The following PIP4K2B variants were observed in gnomAD, a reference collection of about 807,000 sequenced individuals.
PIP4K2B encodes the protein phosphatidylinositol-5-phosphate 4-kinase type 2 beta.
PIP4K2B carries 3 observed loss-of-function variants against 42.0 expected under a neutral mutation model. The ratio of observed to expected loss-of-function variants is 0.07; its 90% CI spans 0.03 to 0.18. PIP4K2B has a LOEUF of 0.18. PIP4K2B is among the 10% of genes least tolerant of loss of function. PIP4K2B has a pLI of 1.00. For missense variants in PIP4K2B, 332 were observed against 562.3 expected, an observed-to-expected ratio of 0.59 and a Z score of 4.14; for synonymous variants, 204 against 210.1, an observed-to-expected ratio of 0.97 and a Z score of 0.25.
At position 38,771,234 on chromosome 17, in the gene PIP4K2B, C is replaced by T. The variant is rs1386092689; in HGVS notation, c.846G>A (p.Leu282=). Reference sequence around the variant, plus strand: ...CCCGGTCCACGTCGTGGATGCCCACCAGCAGGCTGTAGTCCATGATCTTCA... The same window carrying T: ...CCCGGTCCACGTCGTGGATGCCCACTAGCAGGCTGTAGTCCATGATCTTCA... ...AQLKIMDYSL[L]VGIHDVDRAE... Residue 282 remains leucine (L), a synonymous_variant, in exon 8 of 10, where the codon CTG becomes CTA. Coordinates refer to ENST00000619039, the MANE Select transcript of PIP4K2B (RefSeq NM_003559.5). 6.2e-7 allele frequency: 1 copy of T among 1,614,036 alleles called. No individual in the cohort carries two copies.
intron 3 of PIP4K2B, among the ~76,000 whole-genome samples, chr17:38,781,216 C>T (rs1909693248): frequency 2.0e-5 from 3 of 152,104 alleles, no homozygotes; most frequent in Admixed American, 2.0e-4. Context: ...TTGCCTCAAC[C>T]TCCTGCTTGT....
rs999662723 is a variant in PIP4K2B at position 38,768,012 on chromosome 17, A to C, written c.*1679T>G. The C allele has an allele frequency of 5.9e-5, 9 of 152,086 alleles. No individual in the cohort carries two copies. Among genetic ancestry groups the C allele is most frequent in the African/African-American group, 2.2e-4 (9 of 41,406 alleles). The allele number at this position is 152,086 out of a possible 1,614,324, so 9.4% of individuals were successfully genotyped here. A position where few individuals can be genotyped will look rare whatever the true frequency, so the allele number is the denominator to read the frequency against. The stretch of plus-strand genomic sequence containing the variant: ...AGAATGCCGTCTCCATTCTTTCCTG[A>C]CCTATATGCTGTGAGTCAGGCACAG... On this transcript the variant is annotated 3_prime_UTR_variant, in exon 10 of 10. Transcript: ENST00000619039.
rs144963817 is a variant in PIP4K2B, at chr17:38,765,707, A to G, written c.*3984T>C. The G allele has an allele frequency of 1.1e-4, 16 of 152,346 alleles. No homozygotes were observed. The highest frequency in any genetic ancestry group is 3.9e-4 in the African/African-American group (16 of 41,548). 9.4% of individuals were successfully genotyped at this position (152,346 alleles called of 1,614,324 possible). A position where few individuals can be genotyped will look rare whatever the true frequency, so the allele number is the denominator to read the frequency against. ...TAACAGATGTACACAAAGCTTTTTG[A>G]GTTTTATTTTTTTCCTCAGGTTGGA... On this transcript the variant is annotated 3_prime_UTR_variant, in exon 10 of 10. Coordinates refer to ENST00000619039, the MANE Select transcript of PIP4K2B (RefSeq NM_003559.5).
chr17:38,772,941 T>G (rs1374538949), intron 7 of PIP4K2B, among the ~76,000 whole-genome samples: 1 of 152,098 alleles, frequency 6.6e-6, no homozygotes, highest in Non-Finnish European at 1.5e-5. Context: ...CATGCTGAGG[T>G]TGCTAAGATC....
In PIP4K2B at chr17:38,779,377, C is replaced by T. The variant is rs1488649478; in HGVS notation, c.654+6G>A. On this transcript the variant is annotated splice_donor_region_variant and intron_variant, in intron 5 of 9. Coordinates refer to ENST00000619039, the MANE Select transcript of PIP4K2B (RefSeq NM_003559.5). ...GCACAGCTCCGGCAAACACAGAGCCCTTTACCTTGAGGTCATACTTGCGAT... is the reference window on the plus strand; with the variant it reads ...GCACAGCTCCGGCAAACACAGAGCCTTTTACCTTGAGGTCATACTTGCGAT... 3 of 1,604,890 alleles carry T rather than the reference C, an allele frequency of 1.9e-6. No individual in the cohort carries two copies. Among genetic ancestry groups the T allele is most frequent in the Admixed American group, 1.7e-5 (1 of 59,912 alleles).
chr17:38,779,284 T>C (rs747375769), intron 5 of PIP4K2B, 99 bp downstream of exon 5: 194 of 1,223,402 alleles, frequency 1.6e-4, no homozygotes, highest in Non-Finnish European at 2.2e-4. Flanking sequence ...TGCCAACACA[T>C]AGGCTCCAGC....
chr17:38,780,752 TCACA>T, intron 3 of PIP4K2B, 148 bp from the exon 4 acceptor site: 2 of 674,648 alleles, frequency 3.0e-6, no homozygotes, highest in Non-Finnish European at 4.9e-6. Flanking sequence ...TCCCCTTTTC[TCACA>T]GGGTGTTCAC....
chr17:38,784,147 A>G, intron 3 of PIP4K2B, 96 bp downstream of exon 3: 1 of 753,148 alleles, frequency 1.3e-6, no homozygotes, highest in Admixed American at 2.3e-5. Flanking sequence ...GACACAGCAC[A>G]AAAACAGCCA....
chr17:38,774,437 C>G (rs1323691323), intron 7 of PIP4K2B, among the ~76,000 whole-genome samples: 1 of 152,136 alleles, frequency 6.6e-6, no homozygotes, highest in Non-Finnish European at 1.5e-5. Flanking sequence ...CTGCAGATCT[C>G]GTTGGTATCC....
intron 1 of PIP4K2B, among the ~76,000 whole-genome samples, chr17:38,796,356 G>C (rs1204839915): frequency 6.6e-6 from 1 of 152,152 alleles, no homozygotes; most frequent in Non-Finnish European, 1.5e-5. Context: ...AACTGCTCCT[G>C]CTCCTCTGAT....
chr17:38,786,798 T>C, intron 2 of PIP4K2B, 25 bp downstream of exon 2: 1 of 1,468,416 alleles, frequency 6.8e-7, no homozygotes, highest in Middle Eastern at 1.7e-4. Flanking sequence ...CCACAAAACC[T>C]GAGTCCACTC....
At chr17:38,775,090 C>G (rs1404039120) in intron 7 of PIP4K2B, among the ~76,000 whole-genome samples, 1 of 151,886 alleles carries the variant, frequency 6.6e-6, no homozygotes, top group African/African-American at 2.4e-5. Flanking sequence ...GCTGGGACTA[C>G]AGGCGCCCAC....
chr17:38,791,487 G>A (rs1323246717), intron 1 of PIP4K2B, among the ~76,000 whole-genome samples: 1 of 131,828 alleles, frequency 7.6e-6, no homozygotes. Context: ...CGTGCTCACC[G>A]CAACTTCCGC....
intron 6 of PIP4K2B, 79 bp downstream of exon 6, chr17:38,778,255 T>C: frequency 1.5e-6 from 2 of 1,301,282 alleles, no homozygotes; most frequent in East Asian, 2.3e-5. Flanking sequence ...GGGGCTGGGG[T>C]GGGCGAGGGA....
At chr17:38,771,854 C>A (rs532087195) in intron 7 of PIP4K2B, among the ~76,000 whole-genome samples, 1 of 152,094 alleles carries the variant, frequency 6.6e-6, no homozygotes, top group Non-Finnish European at 1.5e-5. Context: ...CGTGATGAGA[C>A]CCCATCTCTA....
chr17:38,793,367 C>T (rs959527151), intron 1 of PIP4K2B, among the ~76,000 whole-genome samples: 4 of 151,548 alleles, frequency 2.6e-5, no homozygotes, highest in Non-Finnish European at 5.9e-5. Flanking sequence ...CCTCAGCCTC[C>T]CGAGTAGCTG....
chr17:38,791,678 G>C (rs1012287914), intron 1 of PIP4K2B, among the ~76,000 whole-genome samples: 1 of 150,488 alleles, frequency 6.6e-6, no homozygotes, highest in African/African-American at 2.4e-5. Flanking sequence ...CAAAGTGCTA[G>C]GATTACAGGC....
chr17:38,795,232 TAAG>T (rs1270115934), intron 1 of PIP4K2B, among the ~76,000 whole-genome samples: 1 of 150,156 alleles, frequency 6.7e-6, no homozygotes. Flanking sequence ...AACTCAATAA[TAAG>T]AAGATAACCC....
intron 1 of PIP4K2B, 97 bp from the exon 2 acceptor site, chr17:38,787,017 T>C (rs961493021): frequency 1.7e-4 from 139 of 819,372 alleles, no homozygotes; most frequent in Middle Eastern, 4.5e-4. Flanking sequence ...GCTAAAAGCA[T>C]GTCCAAGTTT....
Sources: gnomAD v4.1 joint callset for allele counts (sites outside exome capture counted in the v4.1 genomes callset) on GRCh38, gnomAD v4.1.1 for gene constraint, MANE v1.5 for transcripts, NCBI Gene and HGNC (gene_info 2026-07-23, HGNC 2026-07-21) for gene names.